HS3ST2: variants seen among roughly 807,000 people sequenced by gnomAD.
HS3ST2 encodes the protein heparan sulfate glucosamine 3-O-sulfotransferase 2.
In HS3ST2, 17 loss-of-function variants were observed where a neutral mutation model predicts 26.3. The ratio of observed to expected loss-of-function variants is 0.65; its 90% CI spans 0.44 to 0.97. The LOEUF is 0.97. HS3ST2 is among the 50% of genes least tolerant of loss of function. The pLI is 0.00. For missense variants in HS3ST2, 402 were observed against 501.2 expected, an observed-to-expected ratio of 0.80 and a Z score of 1.89; for synonymous variants, 237 against 219.2, an observed-to-expected ratio of 1.08 and a Z score of -0.72.
intron 1 of HS3ST2, among the ~76,000 whole-genome samples, chr16:22,869,196 G>C (rs1396781050): frequency 6.6e-6 from 1 of 152,080 alleles, no homozygotes; most frequent in Non-Finnish European, 1.5e-5. Context: ...TCCTGATAGA[G>C]ACCTCCCTCA....
At chr16:22,880,978 G>A (rs559916922) in intron 1 of HS3ST2, among the ~76,000 whole-genome samples, 1 of 152,340 alleles carries the variant, frequency 6.6e-6, no homozygotes, top group Admixed American at 6.5e-5. Flanking sequence ...CTTGAGACTA[G>A]ATGCATCGCT....
chr16:22,822,180 C>T (rs1487788513), intron 1 of HS3ST2, among the ~76,000 whole-genome samples: 2 of 152,140 alleles, frequency 1.3e-5, no homozygotes, highest in Non-Finnish European at 2.9e-5. Context: ...CCCAGCATGA[C>T]CTCTACTATT....
At chr16:22,885,462 GTT>G (rs537239881) in intron 1 of HS3ST2, among the ~76,000 whole-genome samples, 1 of 144,402 alleles carries the variant, frequency 6.9e-6, no homozygotes. Flanking sequence ...TCTTTTCTTT[GTT>G]TTTTTTTTTG....
At chr16:22,816,375 C>T (rs1326425823) in intron 1 of HS3ST2, among the ~76,000 whole-genome samples, 1 of 152,196 alleles carries the variant, frequency 6.6e-6, no homozygotes, top group Non-Finnish European at 1.5e-5. Flanking sequence ...AAGAGGACCC[C>T]ACTGGGCTTA....
At chr16:22,842,663 T>A (rs1473485077) in intron 1 of HS3ST2, among the ~76,000 whole-genome samples, 1 of 152,186 alleles carries the variant, frequency 6.6e-6, no homozygotes, top group African/African-American at 2.4e-5. Flanking sequence ...ATCTTTTTGC[T>A]TATTTTCTTT....
At chr16:22,857,679 A>C (rs1458678953) in intron 1 of HS3ST2, among the ~76,000 whole-genome samples, 1 of 152,206 alleles carries the variant, frequency 6.6e-6, no homozygotes, top group Non-Finnish European at 1.5e-5. Flanking sequence ...GGAATGTGAA[A>C]GACAATCTTC....
chr16:22,817,516 A>G (rs2141172459), intron 1 of HS3ST2, among the ~76,000 whole-genome samples: 1 of 152,340 alleles, frequency 6.6e-6, no homozygotes, highest in Non-Finnish European at 1.5e-5. Context: ...TCTTTTTATT[A>G]TGACCAAGTC....
At chr16:22,870,257 A>G (rs8062028) in intron 1 of HS3ST2, among the ~76,000 whole-genome samples, 39,730 of 151,874 alleles carry the variant, frequency 0.26, 7,633 homozygotes, top group African/African-American at 0.52. Context: ...GCCCACCCAG[A>G]AATGCCTAAT....
intron 1 of HS3ST2, among the ~76,000 whole-genome samples, chr16:22,862,411 G>A (rs1341119556): frequency 6.6e-6 from 1 of 152,038 alleles, no homozygotes; most frequent in Non-Finnish European, 1.5e-5. Flanking sequence ...AAACTAACCA[G>A]GCACCTGTTA....
intron 1 of HS3ST2, among the ~76,000 whole-genome samples, chr16:22,913,146 G>A (rs1393989232): frequency 9.1e-6 from 1 of 110,030 alleles, no homozygotes; most frequent in African/African-American, 3.8e-5. Context: ...AAGGAAGGAA[G>A]GAAGGGAGGG....
At chr16:22,882,991 A>ACTGC (rs1030538448) in intron 1 of HS3ST2, among the ~76,000 whole-genome samples, 1 of 151,590 alleles carries the variant, frequency 6.6e-6, no homozygotes, top group Non-Finnish European at 1.5e-5. Flanking sequence ...ACATTGTGCC[A>ACTGC]CTGCACTCTG....
intron 1 of HS3ST2, among the ~76,000 whole-genome samples, chr16:22,888,533 T>A (rs540035039): frequency 7.6e-4 from 115 of 152,070 alleles, no homozygotes; most frequent in African/African-American, 2.7e-3. Flanking sequence ...ATTACAGGCG[T>A]GTGTCACCAC....
At chr16:22,914,912 T>C in intron 1 of HS3ST2, 32 bp from the exon 2 acceptor site, 1 of 1,578,386 alleles carries the variant, frequency 6.3e-7, no homozygotes, top group South Asian at 1.2e-5. Context: ...CAGGGAAACC[T>C]ATTTGATGAT....
intron 1 of HS3ST2, among the ~76,000 whole-genome samples, chr16:22,849,999 T>G (rs1901496052): frequency 6.6e-6 from 1 of 152,200 alleles, no homozygotes; most frequent in Admixed American, 6.5e-5. Context: ...GGGCTGGGTA[T>G]GGGAGTAGGG....
intron 1 of HS3ST2, among the ~76,000 whole-genome samples, chr16:22,829,106 G>C (rs562712442): frequency 6.6e-6 from 1 of 152,218 alleles, no homozygotes; most frequent in Non-Finnish European, 1.5e-5. Flanking sequence ...CTTCTATCCA[G>C]GTGGCTGGTG....
chr16:22,875,400 A>G (rs1771669653), intron 1 of HS3ST2, among the ~76,000 whole-genome samples: 1 of 150,004 alleles, frequency 6.7e-6, no homozygotes, highest in Non-Finnish European at 1.5e-5. Context: ...ATTTATTTAG[A>G]GATAGAGTCT....
intron 1 of HS3ST2, among the ~76,000 whole-genome samples, chr16:22,866,929 A>G (rs1025795962): frequency 1.1e-4 from 16 of 152,226 alleles, no homozygotes; most frequent in African/African-American, 3.9e-4. Flanking sequence ...AAATTAATCT[A>G]TTCATTTTAT....
intron 1 of HS3ST2, among the ~76,000 whole-genome samples, chr16:22,845,707 C>G (rs1901422087): frequency 6.6e-6 from 1 of 152,110 alleles, no homozygotes; most frequent in South Asian, 2.1e-4. Context: ...TTAGGTCGGG[C>G]TACTTTGCTG....
At chr16:22,843,152 A>ATGTATG (rs1901382211) in intron 1 of HS3ST2, among the ~76,000 whole-genome samples, 1 of 147,278 alleles carries the variant, frequency 6.8e-6, no homozygotes, top group Non-Finnish European at 1.5e-5. Flanking sequence ...GACTAGATGT[A>ATGTATG]TGTATGTGTG....
Sources: allele counts gnomAD v4.1 joint callset (sites outside exome capture counted in the v4.1 genomes callset), GRCh38; gene constraint gnomAD v4.1.1; transcripts MANE v1.5; gene names NCBI Gene and HGNC (gene_info 2026-07-23, HGNC 2026-07-21).